TRPM6: variants seen among roughly 807,000 people sequenced by gnomAD.
The protein encoded by TRPM6 is transient receptor potential cation channel subfamily M member 6, also known as channel kinase 2.
Under a neutral mutation model 247.6 loss-of-function variants are expected in TRPM6, and 111 were observed. The ratio of observed to expected loss-of-function variants is 0.45; its 90% CI spans 0.38 to 0.52. The LOEUF is 0.52. Ranked by LOEUF, TRPM6 falls within the 20% of genes least tolerant of loss-of-function variation. The pLI is 0.00. For missense variants in TRPM6, 2,126 were observed against 2,421.5 expected (o/e 0.88, Z 2.56); for synonymous variants, 892 against 853.8 (o/e 1.04, Z -0.78).
chr9:74,878,281 T>G (rs1203646445), intron 1 of TRPM6, among the ~76,000 whole-genome samples: 2 of 152,112 alleles, frequency 1.3e-5, no homozygotes, highest in Non-Finnish European at 2.9e-5. Context: ...CCATTGCCAC[T>G]GACAGCACCC....
At chr9:74,771,622 G>C in intron 25 of TRPM6, 81 bp downstream of exon 25, 1 of 1,411,586 alleles carries the variant, frequency 7.1e-7, no homozygotes, top group Non-Finnish European at 9.9e-7. Context: ...GGATTTGAAA[G>C]ATCTTTCTAC....
At chr9:74,863,671 T>C (rs998266312) in intron 1 of TRPM6, among the ~76,000 whole-genome samples, 1 of 152,076 alleles carries the variant, frequency 6.6e-6, no homozygotes, top group Non-Finnish European at 1.5e-5. Context: ...GAGCTCCGCC[T>C]CCCGGGTTTT....
chr9:74,763,782 G>C (rs879900633), intron 25 of TRPM6, among the ~76,000 whole-genome samples: 3 of 152,182 alleles, frequency 2.0e-5, no homozygotes, highest in Non-Finnish European at 4.4e-5. Flanking sequence ...ATGATGTTCA[G>C]TCATTGATTC....
intron 35 of TRPM6, 141 bp downstream of exon 35, chr9:74,739,226 C>T (rs536980178): frequency 8.3e-5 from 73 of 875,036 alleles, no homozygotes; most frequent in South Asian, 8.1e-4. Flanking sequence ...TGCCAGTCTC[C>T]GAAATTATGG....
intron 32 of TRPM6, among the ~76,000 whole-genome samples, chr9:74,743,140 TA>T (rs1269919505): frequency 6.6e-6 from 1 of 152,202 alleles, no homozygotes; most frequent in Non-Finnish European, 1.5e-5. Context: ...TGAGTTACAG[TA>T]TTCCTCACTA....
At chr9:74,772,773 C>T (rs536393314) in intron 24 of TRPM6, among the ~76,000 whole-genome samples, 3 of 152,128 alleles carry the variant, frequency 2.0e-5, no homozygotes, top group Admixed American at 1.3e-4. Context: ...TTTGGGAGGC[C>T]GAGGCAGGTG....
chr9:74,808,279 A>G, intron 13 of TRPM6, 105 bp from the exon 14 acceptor site: 1 of 1,393,400 alleles, frequency 7.2e-7, no homozygotes, highest in Non-Finnish European at 1.0e-6. Context: ...AGGTAGACAT[A>G]CCTTTTAAAT....
chr9:74,886,702 A>G (rs150315163), intron 1 of TRPM6, among the ~76,000 whole-genome samples: 214 of 152,252 alleles, frequency 1.4e-3, no homozygotes, highest in Middle Eastern at 0.01. Flanking sequence ...AACTCTTACA[A>G]CCTGCTAAAT....
At chr9:74,804,203 T>C (rs747421586) in intron 14 of TRPM6, among the ~76,000 whole-genome samples, 19 of 152,180 alleles carry the variant, frequency 1.2e-4, no homozygotes, top group Non-Finnish European at 2.5e-4. Context: ...TGAATGGATG[T>C]TCTCTCCCTG....
Position 74,724,365 on chromosome 9 carries a change from C to A in TRPM6, c.*248G>T. 1.8e-6 allele frequency: 1 copy of A among 551,756 alleles called. No individual in the cohort carries two copies. 34.2% of individuals were successfully genotyped at this position (551,756 alleles called of 1,614,324 possible). A position where few individuals can be genotyped will look rare whatever the true frequency, so the allele number is the denominator to read the frequency against. ...AGGTACACAAGAACAATATTCCCAG[C>A]TGACTCATCCAAGCATCTTCGTGTG... On this transcript the variant is annotated 3_prime_UTR_variant, in exon 39 of 39. Coordinates refer to ENST00000360774, the MANE Select transcript of TRPM6 (RefSeq NM_017662.5).
At chr9:74,778,124 T>C (rs1300786196) in intron 23 of TRPM6, among the ~76,000 whole-genome samples, 1 of 152,132 alleles carries the variant, frequency 6.6e-6, no homozygotes, top group Non-Finnish European at 1.5e-5. Context: ...CGGTGCTGCA[T>C]TTGGCTTCAA....
At chr9:74,809,061 T>A (rs1354556099) in intron 13 of TRPM6, among the ~76,000 whole-genome samples, 1 of 152,184 alleles carries the variant, frequency 6.6e-6, no homozygotes, top group Non-Finnish European at 1.5e-5. Flanking sequence ...GTTTAGCATA[T>A]GCACTTGGCC....
chr9:74,870,953 AAAAAG>A (rs1266777438), intron 1 of TRPM6, among the ~76,000 whole-genome samples: 4 of 152,106 alleles, frequency 2.6e-5, no homozygotes, highest in South Asian at 2.1e-4. Flanking sequence ...AAAAGAAAAG[AAAAAG>A]AAAAGAAAAG....
chr9:74,877,245 A>T (rs1177975107), intron 1 of TRPM6, among the ~76,000 whole-genome samples: 1 of 152,242 alleles, frequency 6.6e-6, no homozygotes, highest in Non-Finnish European at 1.5e-5. Flanking sequence ...ATGAAAACAC[A>T]TGTCTATACA....
At chr9:74,727,696 T>A (rs1478764910) in intron 38 of TRPM6, among the ~76,000 whole-genome samples, 1 of 152,200 alleles carries the variant, frequency 6.6e-6, no homozygotes, top group East Asian at 1.9e-4. Flanking sequence ...GCTTTTATAG[T>A]AGGAATTTTT....
intron 31 of TRPM6, among the ~76,000 whole-genome samples, chr9:74,744,769 T>G (rs193062720): frequency 9.8e-5 from 15 of 152,330 alleles, no homozygotes; most frequent in Non-Finnish European, 1.5e-5. Flanking sequence ...GCAACAGTTT[T>G]GCTATTTCAT....
chr9:74,881,140 T>A (rs1018415596), intron 1 of TRPM6, among the ~76,000 whole-genome samples: 3 of 151,842 alleles, frequency 2.0e-5, no homozygotes, highest in African/African-American at 7.3e-5. Flanking sequence ...ACAAAAAAAT[T>A]TTTTTAATTG....
At chr9:74,729,894 G>C (rs1008818169) in intron 37 of TRPM6, among the ~76,000 whole-genome samples, 7 of 152,158 alleles carry the variant, frequency 4.6e-5, no homozygotes, top group South Asian at 2.1e-4. Flanking sequence ...ACTTAGAGAT[G>C]CAACACTGAA....
intron 5 of TRPM6, among the ~76,000 whole-genome samples, chr9:74,836,724 T>G (rs560538263): frequency 6.6e-6 from 1 of 152,340 alleles, no homozygotes; most frequent in African/African-American, 2.4e-5. Context: ...GCACCCAATC[T>G]GGCTCCAGTC....
Sources: gnomAD v4.1 joint callset for allele counts (sites outside exome capture counted in the v4.1 genomes callset) on GRCh38, gnomAD v4.1.1 for gene constraint, MANE v1.5 for transcripts, NCBI Gene and HGNC (gene_info 2026-07-23, HGNC 2026-07-21) for gene names.